Variants in ATP10B observed in about 807,000 individuals in gnomAD.
ATP10B encodes ATPase phospholipid transporting 10B (putative).
In ATP10B, 122 loss-of-function variants were observed where a neutral mutation model predicts 141.2. The observed-to-expected ratio is 0.86, with a 90% CI of 0.75 to 1.00. ATP10B has a LOEUF of 1.00. Among genes scored for constraint, ATP10B ranks in the 50% least tolerant of loss-of-function variants. The probability of loss-of-function intolerance (pLI) is 0.00; values close to 1 mark genes in which losing one functional copy is unlikely to be tolerated. For synonymous variants in ATP10B, 685 were observed against 692.0 expected, an observed-to-expected ratio of 0.99 and a Z score of 0.16; for missense variants, 1,876 against 1,825.3, an observed-to-expected ratio of 1.03 and a Z score of -0.51.
the ATP10B span, among the ~76,000 whole-genome samples, chr5:160,873,873 C>T: frequency 7.9e-5 from 12 of 152,348 alleles, no homozygotes; most frequent in African/African-American, 2.6e-4. Context: ...ACACCTGGCT[C>T]GGAGGGTCCT....
At chr5:160,681,580 AGCCTGG>A (rs764731607) in intron 6 of ATP10B, among the ~76,000 whole-genome samples, 4 of 152,216 alleles carry the variant, frequency 2.6e-5, no homozygotes, top group Non-Finnish European at 5.9e-5. Context: ...GTTCTAGACC[AGCCTGG>A]GCAACGTACC....
At chr5:160,780,290 AC>A (rs1200865232) in intron 2 of ATP10B, among the ~76,000 whole-genome samples, 1 of 152,096 alleles carries the variant, frequency 6.6e-6, no homozygotes, top group Non-Finnish European at 1.5e-5. Flanking sequence ...CTCTTTTTAA[AC>A]CATGATTTAG....
intron 1 of ATP10B, among the ~76,000 whole-genome samples, chr5:160,827,399 C>T (rs1014349294): frequency 3.3e-5 from 5 of 152,172 alleles, no homozygotes; most frequent in African/African-American, 9.7e-5. Flanking sequence ...TTGGATTTCT[C>T]TGATTAGTGA....
At chr5:160,653,539 TAC>T (rs1761107776) in intron 7 of ATP10B, among the ~76,000 whole-genome samples, 1 of 127,018 alleles carries the variant, frequency 7.9e-6, no homozygotes, top group African/African-American at 3.5e-5. Context: ...ATATTACATA[TAC>T]ATACATACAT....
chr5:160,691,378 T>C (rs1471640155), intron 3 of ATP10B, among the ~76,000 whole-genome samples: 2 of 152,056 alleles, frequency 1.3e-5, no homozygotes, highest in Non-Finnish European at 2.9e-5. Context: ...AAAATGCTGC[T>C]TTACCTAGGA....
At chr5:160,682,765 C>T (rs536158491) in intron 6 of ATP10B, among the ~76,000 whole-genome samples, 4 of 152,106 alleles carry the variant, frequency 2.6e-5, no homozygotes, top group South Asian at 2.1e-4. Flanking sequence ...CTCGGCCGGG[C>T]GCGGTGGCTC....
intron 1 of ATP10B, among the ~76,000 whole-genome samples, chr5:160,842,833 AG>A (rs1775889897): frequency 6.6e-6 from 1 of 151,844 alleles, no homozygotes; most frequent in Admixed American, 6.6e-5. Flanking sequence ...CACAAAAATC[AG>A]GGCCCATGTG....
chr5:160,841,311 GCA>G (rs1384167201), intron 1 of ATP10B, among the ~76,000 whole-genome samples: 1 of 151,990 alleles, frequency 6.6e-6, no homozygotes, highest in Non-Finnish European at 1.5e-5. Flanking sequence ...AAAGCAAATT[GCA>G]AAGAAGCTTA....
the ATP10B span, among the ~76,000 whole-genome samples, chr5:160,928,342 C>T: frequency 6.6e-6 from 1 of 152,282 alleles, no homozygotes; most frequent in South Asian, 2.1e-4. Context: ...TGAGAGGAAA[C>T]CAAGCTTTGA....
In ATP10B at chr5:160,632,130, A is replaced by G. The variant is rs56340994; in HGVS notation, c.1619T>C (p.Ile540Thr). 2.0e-3 allele frequency: 3,214 copies of G among 1,611,230 alleles called. 35 individuals carry two copies. In the African/African-American group the frequency reaches 0.026, roughly 13 times the overall value. The change falls in exon 13 of 26, where the codon ATA (isoleucine) becomes ACA (threonine). Residue 540 changes from isoleucine to threonine, a missense_variant and splice_region_variant. Physicochemically the swap from Ile to Thr is moderately conservative, Grantham distance 89. Transcript: ENST00000327245. ...SQPPVAFSSS[I>T]EKDVTPDKNL... ...TCAAAGGCAAAAGTCAGGACTTACTATGGAGCTGCTGAAGGCCACAGGAGG... is the reference window on the plus strand; with the variant it reads ...TCAAAGGCAAAAGTCAGGACTTACTGTGGAGCTGCTGAAGGCCACAGGAGG...
At chr5:160,755,559 T>C (rs1768466835) in intron 2 of ATP10B, among the ~76,000 whole-genome samples, 1 of 150,860 alleles carries the variant, frequency 6.6e-6, no homozygotes, top group African/African-American at 2.4e-5. Context: ...CTCACGCCTG[T>C]AATCCCAGCA....
chr5:160,606,855 A>G lies in ATP10B; in HGVS notation c.3070T>C (p.Ser1024Pro). Residue 1024 changes from serine (S) to proline (P), a missense_variant, in exon 19 of 26, where the codon TCC (serine) becomes CCC (proline). Physicochemically the swap from Ser to Pro is moderately conservative, Grantham distance 74. Transcript: ENST00000327245. ...GGCGTGGAGCGGCAGCACAGGACGGACCGACAATACTGGGTCAATTCCAGA... is the reference window on the plus strand; with the variant it reads ...GGCGTGGAGCGGCAGCACAGGACGGGCCGACAATACTGGGTCAATTCCAGA... ...KFLELTQYCR[S>P]VLCCRSTPLQ... 6.2e-7 allele frequency: 1 copy of G among 1,614,124 alleles called. No homozygotes were observed. Among genetic ancestry groups the G allele is most frequent in the Non-Finnish European group, 8.5e-7 (1 of 1,180,000 alleles).
At chr5:160,585,318 G>T (rs901022427) in intron 24 of ATP10B, among the ~76,000 whole-genome samples, 2 of 152,164 alleles carry the variant, frequency 1.3e-5, no homozygotes, top group African/African-American at 4.8e-5. Context: ...CATTAGCTTG[G>T]TGGTTTCTAG....
Position 160,821,471 on chromosome 5 carries a change from A to G in ATP10B, c.-576+30470T>C, listed in dbSNP as rs115775511. Reference sequence around the variant, plus strand: ...AATCTACACATTCAGTGGAACCCCTATCAAAATAACAATGATATTCTTTAC... The same window carrying G: ...AATCTACACATTCAGTGGAACCCCTGTCAAAATAACAATGATATTCTTTAC... On this transcript the variant is annotated intron_variant, in intron 1 of 25. Transcript: ENST00000327245. 6.7e-3 allele frequency among the ~76,000 whole-genome samples: 1,024 copies of G among 152,230 alleles called. 7 individuals are homozygous for G. Among genetic ancestry groups the G allele is most frequent in the Non-Finnish European group, 0.01 (695 of 67,986 alleles).
intron 12 of ATP10B, chr5:160,633,114 TTGG>T (rs1759057688): frequency 6.6e-6 from 1 of 152,222 alleles, no homozygotes; most frequent in African/African-American, 2.4e-5. Flanking sequence ...TTTTACACTG[TTGG>T]TGGGAGTACA....
chr5:160,634,719 C>G, intron 11 of ATP10B, 113 bp from the exon 12 acceptor site: 1 of 1,152,204 alleles, frequency 8.7e-7, no homozygotes, highest in Non-Finnish European at 1.2e-6. Context: ...GCTCACAGGA[C>G]AGACTCTCTG....
chr5:160,785,828 A>T (rs1019106363), intron 1 of ATP10B, 25 bp from the exon 2 acceptor site: 2 of 365,702 alleles, frequency 5.5e-6, no homozygotes, highest in Non-Finnish European at 4.7e-6. Context: ...ACAGAAAAGA[A>T]ATACAAAATA....
At chr5:160,767,097 A>G (rs1769504538) in intron 2 of ATP10B, among the ~76,000 whole-genome samples, 1 of 152,220 alleles carries the variant, frequency 6.6e-6, no homozygotes, top group Admixed American at 6.5e-5. Context: ...ATACTTTAAC[A>G]GTAACAGATA....
At chr5:160,657,084 AGG>A (rs1422475060) in intron 7 of ATP10B, among the ~76,000 whole-genome samples, 1 of 152,206 alleles carries the variant, frequency 6.6e-6, no homozygotes, top group Non-Finnish European at 1.5e-5. Context: ...GACTGTGCCA[AGG>A]AATAGGGGTT....
Sources: allele counts gnomAD v4.1 joint callset (sites outside exome capture counted in the v4.1 genomes callset), GRCh38; gene constraint gnomAD v4.1.1; transcripts MANE v1.5; gene names NCBI Gene and HGNC (gene_info 2026-07-23, HGNC 2026-07-21).